SUB1: variants seen among roughly 807,000 people sequenced by gnomAD.
SUB1 encodes the protein SUB1 regulator of transcription, also known as activated RNA polymerase II transcriptional coactivator p15.
A neutral mutation model predicts 16.9 loss-of-function variants in SUB1; 1 was observed. The ratio of observed to expected loss-of-function variants is 0.06; its 90% confidence interval spans 0.02 to 0.28. The LOEUF (loss-of-function observed/expected upper bound fraction) is 0.28, where lower values mean the gene tolerates loss of function less well. SUB1 is among the 10% of genes least tolerant of loss of function. The pLI is 1.00. For missense variants in SUB1, 84 were observed against 145.2 expected (o/e 0.58, Z 2.16); for synonymous variants, 51 against 46.9 (o/e 1.09, Z -0.36).
At chr5:32,598,795 T>C in intron 3 of SUB1, 166 bp from the exon 4 acceptor site, 1 of 453,816 alleles carries the variant, frequency 2.2e-6, no homozygotes, top group East Asian at 3.6e-5. Flanking sequence ...AATATGCATA[T>C]AAGTGGGACC....
chr5:32,592,621 AATT>A (rs1738857676), intron 3 of SUB1, among the ~76,000 whole-genome samples: 2 of 152,310 alleles, frequency 1.3e-5, no homozygotes, highest in East Asian at 3.9e-4. Flanking sequence ...CTAAAGAAGA[AATT>A]ATGCCAATTA....
Position 32,602,531 on chromosome 5 carries a change from T to C in SUB1, c.*1447T>C, listed in dbSNP as rs78936561. ...AGTTTTGCACTATTTTGCTACCAAG[T>C]TTGATTCATACATCTAAAACATTTT... On this transcript the variant is annotated 3_prime_UTR_variant, in exon 5 of 5. Coordinates refer to ENST00000265073, the MANE Select transcript of SUB1 (RefSeq NM_006713.4). 6.4e-3 allele frequency: 1,103 copies of C among 171,528 alleles called. 21 individuals are homozygous for C. The highest frequency in any genetic ancestry group is 0.05 in the East Asian group (298 of 5,944). The allele number at this position is 171,528 out of a possible 1,614,324, so 10.6% of individuals were successfully genotyped here.
In SUB1 at chr5:32,601,039, G is replaced by A; in HGVS notation, c.339G>A (p.Leu113=). The A allele has an allele frequency of 6.2e-7, 1 of 1,612,268 alleles. No individual in the cohort carries two copies. The highest frequency in any genetic ancestry group is 8.5e-7 in the Non-Finnish European group (1 of 1,179,788). ...ISLNPEQWSQ[L]KEQISDIDDA... is the part of the protein sequence containing the mutation. ...TAAATCCAGAACAATGGAGCCAGCT[G>A]AAGGAACAGATTTCTGACATTGATG... The change falls in exon 5 of 5, where the codon CTG becomes CTA. Residue 113 remains leucine (L), a synonymous_variant. Coordinates refer to ENST00000265073, the MANE Select transcript of SUB1 (RefSeq NM_006713.4).
chr5:32,600,338 A>C (rs192458823), intron 4 of SUB1, among the ~76,000 whole-genome samples: 1 of 152,222 alleles, frequency 6.6e-6, no homozygotes, highest in South Asian at 2.1e-4. Context: ...TTTTGGGCAA[A>C]TATTGGAACC....
chr5:32,595,542 A>G (rs1738940137), intron 3 of SUB1: 1 of 152,266 alleles, frequency 6.6e-6, no homozygotes. Context: ...TAATACTACA[A>G]CTTGTAAATC....
intron 2 of SUB1, among the ~76,000 whole-genome samples, chr5:32,589,952 AATAT>A (rs1738776367): frequency 6.6e-6 from 1 of 152,148 alleles, no homozygotes; most frequent in Non-Finnish European, 1.5e-5. Flanking sequence ...ATAAATATAG[AATAT>A]AACAACACAT....
intron 3 of SUB1, among the ~76,000 whole-genome samples, chr5:32,594,072 A>G (rs185835262): frequency 2.8e-4 from 43 of 152,318 alleles, no homozygotes; most frequent in Admixed American, 8.5e-4. Context: ...TTTCATTGCC[A>G]TTACAGCTTG....
chr5:32,589,269 T>C (rs888097454), intron 2 of SUB1, among the ~76,000 whole-genome samples: 17 of 152,254 alleles, frequency 1.1e-4, no homozygotes, highest in Middle Eastern at 3.4e-3. Flanking sequence ...AATGTTTTTG[T>C]AGGGACCAGG....
intron 3 of SUB1, chr5:32,595,153 C>G (rs575659993): frequency 6.6e-6 from 1 of 151,536 alleles, no homozygotes; most frequent in African/African-American, 2.4e-5. Flanking sequence ...TTTTTTCCCC[C>G]CAAGGGAGAG....
At chr5:32,590,986 C>G (rs921178315) in intron 2 of SUB1, among the ~76,000 whole-genome samples, 3 of 151,746 alleles carry the variant, frequency 2.0e-5, no homozygotes, top group Admixed American at 1.3e-4. Flanking sequence ...CCAGGCTGGT[C>G]TCGAACTCCT....
In SUB1 at chr5:32,601,400, A is replaced by G. The variant is rs1162800106; in HGVS notation, c.*316A>G. The G allele has an allele frequency of 4.9e-6, 1 of 203,808 alleles. No homozygotes were observed. Among genetic ancestry groups the G allele is most frequent in the Non-Finnish European group, 9.7e-6 (1 of 103,002 alleles). 12.6% of individuals were successfully genotyped at this position (203,808 alleles called of 1,614,324 possible). ...AGGCCAAAAGTAACAGTTTTTATAG[A>G]TCTTTTAGTTTCAACTCAGCTTTTA... On this transcript the variant is annotated 3_prime_UTR_variant, in exon 5 of 5. Transcript: ENST00000265073.
At chr5:32,587,058 GTTTA>G (rs781135255) in intron 1 of SUB1, among the ~76,000 whole-genome samples, 3 of 152,188 alleles carry the variant, frequency 2.0e-5, no homozygotes, top group East Asian at 1.9e-4. Context: ...TGTGTGATGT[GTTTA>G]TTAGGCCCTT....
chr5:32,594,220 G>A (rs1245490081), intron 3 of SUB1, among the ~76,000 whole-genome samples: 4 of 152,178 alleles, frequency 2.6e-5, no homozygotes, highest in African/African-American at 9.7e-5. Context: ...TACTAGAGAT[G>A]CTTACTTCCT....
intron 3 of SUB1, chr5:32,596,731 T>G (rs1477891890): frequency 6.6e-6 from 1 of 152,216 alleles, no homozygotes; most frequent in African/African-American, 2.4e-5. Flanking sequence ...GTGTGTATTT[T>G]TTGACTCCGT....
intron 4 of SUB1, among the ~76,000 whole-genome samples, chr5:32,599,734 T>A (rs1739070142): frequency 6.6e-6 from 1 of 152,138 alleles, no homozygotes. Flanking sequence ...AGCCTCTATA[T>A]GTGTTTATAT....
At chr5:32,598,848 A>AT in intron 3 of SUB1, 113 bp from the exon 4 acceptor site, 1 of 778,504 alleles carries the variant, frequency 1.3e-6, no homozygotes, top group Non-Finnish European at 2.1e-6. Context: ...AGCAGTAGTC[A>AT]TTTTCATGAT....
chr5:32,600,928 A>T, intron 4 of SUB1, 77 bp from the exon 5 acceptor site: 12 of 1,365,186 alleles, frequency 8.8e-6, no homozygotes, highest in Non-Finnish European at 1.2e-5. Flanking sequence ...TTGATAAAAC[A>T]GTATTCTAGT....
Position 32,601,540 on chromosome 5 carries a change from G to A in SUB1, c.*456G>A, listed in dbSNP as rs1462420126. Reference sequence around the variant, plus strand: ...GGCTTGTTTGACTTCCACCCCCAATGGTTTTTCACTCTTTTTATTTACTTC... The same window carrying A: ...GGCTTGTTTGACTTCCACCCCCAATAGTTTTTCACTCTTTTTATTTACTTC... On this transcript the variant is annotated 3_prime_UTR_variant, in exon 5 of 5. Coordinates refer to ENST00000265073, the MANE Select transcript of SUB1 (RefSeq NM_006713.4). The A allele has an allele frequency of 6.6e-6, 1 of 152,652 alleles. No homozygotes were observed. Among genetic ancestry groups the A allele is most frequent in the Non-Finnish European group, 1.5e-5 (1 of 68,608 alleles). 9.5% of individuals were successfully genotyped at this position (152,652 alleles called of 1,614,324 possible).
chr5:32,598,833 G>C lies in SUB1; in HGVS notation c.196-128G>C, dbSNP rs888170239. On this transcript the variant is annotated intron_variant, in intron 3 of 4. Coordinates refer to ENST00000265073, the MANE Select transcript of SUB1 (RefSeq NM_006713.4). ...CACAGTTCAGAGCCATGTTGTTCAA[G>C]GGTCAGCAGTAGTCATTTTCATGAT... 9 of 686,426 alleles carry C rather than the reference G, an allele frequency of 1.3e-5. No homozygotes were observed. In the African/African-American group the frequency reaches 1.6e-4, roughly 12 times the overall value. 42.5% of individuals were successfully genotyped at this position (686,426 alleles called of 1,614,324 possible).
Sources: gnomAD v4.1 joint callset for allele counts (sites outside exome capture counted in the v4.1 genomes callset) on GRCh38, gnomAD v4.1.1 for gene constraint, MANE v1.5 for transcripts, NCBI Gene and HGNC (gene_info 2026-07-23, HGNC 2026-07-21) for gene names.